ZBBX: variants seen among roughly 807,000 people sequenced by gnomAD.
ZBBX encodes zinc finger B-box domain containing, also known as zinc finger B-box domain-containing protein 1.
A neutral mutation model predicts 108.5 loss-of-function variants in ZBBX; 101 were observed. The observed-to-expected ratio is 0.93, with a 90% CI of 0.79 to 1.10. The LOEUF (loss-of-function observed/expected upper bound fraction) is 1.10, where lower values mean the gene tolerates loss of function less well. Among genes scored for constraint, ZBBX ranks in the 50% least tolerant of loss-of-function variants. ZBBX has a pLI of 0.00. For missense variants in ZBBX, 1,009 were observed against 941.4 expected (o/e 1.07, Z -0.94); for synonymous variants, 356 against 323.4 (o/e 1.10, Z -1.08).
chr3:167,348,346 A>AAGAAAGAAAG (rs1257753854), intron 9 of ZBBX, among the ~76,000 whole-genome samples: 27 of 115,750 alleles, frequency 2.3e-4, no homozygotes, highest in African/African-American at 9.1e-4. Flanking sequence ...GAAAGAAAGA[A>AAGAAAGAAAG]AGAAAGAAAG....
the ZBBX span, among the ~76,000 whole-genome samples, chr3:167,191,395 C>G: frequency 6.6e-6 from 1 of 152,104 alleles, no homozygotes; most frequent in Admixed American, 6.5e-5. Context: ...TGGCTGTGTC[C>G]CCACCCAAAT....
At chr3:167,256,206 TG>T (rs1723483017) in intron 20 of ZBBX, among the ~76,000 whole-genome samples, 2 of 152,188 alleles carry the variant, frequency 1.3e-5, no homozygotes, top group Non-Finnish European at 2.9e-5. Flanking sequence ...TCCATTCATC[TG>T]TTAATGAATA....
the ZBBX span, among the ~76,000 whole-genome samples, chr3:167,209,534 T>A: frequency 0.026 from 3,947 of 152,260 alleles, 189 homozygotes; most frequent in African/African-American, 0.09. Context: ...CTAATGCAGA[T>A]ATAGTTGCAA....
intron 20 of ZBBX, among the ~76,000 whole-genome samples, chr3:167,253,268 G>A (rs1722923071): frequency 2.6e-5 from 4 of 152,078 alleles, no homozygotes; most frequent in Admixed American, 2.0e-4. Context: ...GACACCAAAT[G>A]AAGAATAGGA....
chr3:167,298,308 C>A lies in ZBBX; in HGVS notation c.1876G>T (p.Ala626Ser). Residue 626 changes from alanine to serine, a missense_variant, in exon 18 of 22, where the codon GCA (alanine) becomes TCA (serine). Coordinates refer to ENST00000675490, the MANE Select transcript of ZBBX (RefSeq NM_001199201.2). ...GAAAAATGAGCTAGAAATTTACCTGCAAGTGTAATCCTAGTACTGGAATTG... is the reference window on the plus strand; with the variant it reads ...GAAAAATGAGCTAGAAATTTACCTGAAAGTGTAATCCTAGTACTGGAATTG... ...CNNSSTRITLAEDREWIPDHS... is the reference protein window; with the variant it reads ...CNNSSTRITLSEDREWIPDHS... 1 of 1,586,252 alleles carries A rather than the reference C, an allele frequency of 6.3e-7. No individual in the cohort carries two copies. Among genetic ancestry groups the A allele is most frequent in the South Asian group, 1.2e-5 (1 of 84,098 alleles).
In ZBBX at chr3:167,391,768, T is replaced by C. The variant is rs554201366; in HGVS notation, c.-445-11363A>G. On this transcript the variant is annotated intron_variant, in intron 1 of 21. Coordinates refer to the ZBBX transcript ENST00000455345. ...CTTTACATACAATAAATCACAAATA[T>C]GTTAAATTTTACATTTCAATGACTT... 1.0e-3 allele frequency among the ~76,000 whole-genome samples: 154 copies of C among 151,964 alleles called. 1 individual carries two copies. Among genetic ancestry groups the C allele is most frequent in the African/African-American group, 3.7e-3 (152 of 41,514 alleles).
chr3:167,258,547 A>T (rs961302579), intron 20 of ZBBX, among the ~76,000 whole-genome samples: 1 of 152,144 alleles, frequency 6.6e-6, no homozygotes, highest in African/African-American at 2.4e-5. Flanking sequence ...ACTATGTTGA[A>T]GAAGAGTGGT....
At chr3:167,308,492 T>A (rs1199158841) in intron 16 of ZBBX, among the ~76,000 whole-genome samples, 1 of 152,136 alleles carries the variant, frequency 6.6e-6, no homozygotes, top group East Asian at 1.9e-4. Context: ...CATTCTATTA[T>A]AAAGATACAT....
rs1732026599 is a variant in ZBBX, at chr3:167,298,337, C to A, written c.1847G>T (p.Cys616Phe). ...LNLLPSHRLE[C>F]NNSSTRITLA... ...TGTAATCCTAGTACTGGAATTGTTG[C>A]ATTCTAAACGATGAGAAGGAAGTAA... The change falls in exon 18 of 22, where the codon TGC becomes TTC. Residue 616 changes from cysteine to phenylalanine, a missense_variant. By Grantham distance (205) the Cys-to-Phe change is radical. Transcript: ENST00000675490. The A allele has an allele frequency of 1.3e-6, 2 of 1,596,862 alleles. No individual in the cohort carries two copies. Among genetic ancestry groups the A allele is most frequent in the Non-Finnish European group, 1.7e-6 (2 of 1,172,778 alleles).
the ZBBX span, among the ~76,000 whole-genome samples, chr3:167,233,883 G>A: frequency 4.6e-5 from 7 of 151,850 alleles, no homozygotes; most frequent in African/African-American, 1.4e-4. Context: ...ATAACAGCCT[G>A]AGAAGGGGGC....
At chr3:167,196,530 T>C in the ZBBX span, among the ~76,000 whole-genome samples, 10 of 152,210 alleles carry the variant, frequency 6.6e-5, no homozygotes, top group Non-Finnish European at 1.5e-4. Context: ...ATGATTCTTA[T>C]TTAAGCAGAT....
the ZBBX span, among the ~76,000 whole-genome samples, chr3:167,234,717 T>A: frequency 2.0e-5 from 3 of 151,880 alleles, no homozygotes; most frequent in Admixed American, 1.3e-4. Flanking sequence ...GTGACAAAGA[T>A]GCCAGTTGCC....
intron 1 of ZBBX, among the ~76,000 whole-genome samples, chr3:167,392,249 A>G (rs1748102966): frequency 6.6e-6 from 1 of 151,872 alleles, no homozygotes; most frequent in African/African-American, 2.4e-5. Flanking sequence ...CCCTGTCATT[A>G]CTGAGGACTA....
At chr3:167,261,976 C>A (rs573507053) in intron 20 of ZBBX, among the ~76,000 whole-genome samples, 1 of 152,114 alleles carries the variant, frequency 6.6e-6, no homozygotes, top group Non-Finnish European at 1.5e-5. Flanking sequence ...CCCTGTGGTG[C>A]AGGCAGGAAT....
Position 167,372,871 on chromosome 3 carries a change from A to G in ZBBX, c.31T>C (p.Trp11Arg), listed in dbSNP as rs375762855. The G allele has an allele frequency of 1.3e-4, 205 of 1,600,946 alleles. 2 individuals are homozygous for G. In the East Asian group the frequency reaches 1.8e-3, roughly 14 times the overall value. The change falls in exon 4 of 22, where the codon TGG becomes CGG. Residue 11 changes from tryptophan (W) to arginine (R), a missense_variant. By Grantham distance (101) the Trp-to-Arg change is moderately radical (BLOSUM62 -3). Transcript: ENST00000675490. MNRKDFVVLP[W>R]GKPGNSVKLK... ...TTTACAGAATTTCCAGGTTTTCCCC[A>G]TGGAAGAACTACAAAATCTTTTCTG...
At chr3:167,210,946 T>A in the ZBBX span, among the ~76,000 whole-genome samples, 2 of 149,530 alleles carry the variant, frequency 1.3e-5, no homozygotes, top group African/African-American at 2.5e-5. Context: ...AAAAAAGAGG[T>A]TAATAAGCAA....
intron 19 of ZBBX, among the ~76,000 whole-genome samples, chr3:167,283,651 T>G (rs539676858): frequency 4.7e-4 from 71 of 152,286 alleles, no homozygotes; most frequent in Admixed American, 8.5e-4. Context: ...TGGGGGGTTT[T>G]GGGAGTTTTT....
At chr3:167,375,320 G>A (rs143332783) in intron 2 of ZBBX, among the ~76,000 whole-genome samples, 5 of 152,200 alleles carry the variant, frequency 3.3e-5, no homozygotes, top group East Asian at 1.9e-4. Flanking sequence ...GGCTGGACGC[G>A]GTGGCTGACA....
At chr3:167,319,173 T>C (rs1410235810) in intron 12 of ZBBX, among the ~76,000 whole-genome samples, 1 of 152,006 alleles carries the variant, frequency 6.6e-6, no homozygotes, top group Non-Finnish European at 1.5e-5. Flanking sequence ...AAGGACCTAG[T>C]GATAATTGCC....
Sources: allele counts gnomAD v4.1 joint callset (sites outside exome capture counted in the v4.1 genomes callset), GRCh38; gene constraint gnomAD v4.1.1; transcripts MANE v1.5; gene names NCBI Gene and HGNC (gene_info 2026-07-23, HGNC 2026-07-21).